The following OXSR1 variants were observed in gnomAD, a reference collection of about 807,000 sequenced individuals.
The protein encoded by OXSR1 is oxidative stress responsive kinase 1.
Under a neutral mutation model 79.8 loss-of-function variants are expected in OXSR1, and 24 were observed. The ratio of observed to expected loss-of-function variants is 0.30; its 90% CI spans 0.22 to 0.42. The LOEUF (loss-of-function observed/expected upper bound fraction) is 0.42. OXSR1 is among the 10% of genes least tolerant of loss of function. The pLI, the probability that OXSR1 is intolerant of heterozygous loss-of-function variation, is 1.00. For synonymous variants in OXSR1, 226 were observed against 209.2 expected, an observed-to-expected ratio of 1.08 and a Z score of -0.69; for missense variants, 430 against 618.4, an observed-to-expected ratio of 0.70 and a Z score of 3.23.
intron 3 of OXSR1, among the ~76,000 whole-genome samples, chr3:38,192,995 A>G (rs1464903731): frequency 6.6e-6 from 1 of 152,252 alleles, no homozygotes; most frequent in Non-Finnish European, 1.5e-5. Flanking sequence ...TATAAACAAC[A>G]TAAGGCTTTA....
At chr3:38,188,091 C>G (rs1038015335) in intron 2 of OXSR1, among the ~76,000 whole-genome samples, 1 of 152,180 alleles carries the variant, frequency 6.6e-6, no homozygotes, top group African/African-American at 2.4e-5. Context: ...ATTTAAGCCC[C>G]TTTTCATCTT....
At chr3:38,171,514 A>AT (rs1575303592) in intron 1 of OXSR1, among the ~76,000 whole-genome samples, 1 of 152,112 alleles carries the variant, frequency 6.6e-6, no homozygotes, top group African/African-American at 2.4e-5. Flanking sequence ...TTGAACTGTA[A>AT]TTTTTTTCAC....
chr3:38,240,700 TAA>T (rs1290845869), intron 11 of OXSR1, among the ~76,000 whole-genome samples: 1 of 133,242 alleles, frequency 7.5e-6, no homozygotes. Flanking sequence ...AAAAGATACT[TAA>T]AAAAAAAAAA....
Position 38,190,890 on chromosome 3 carries a change from TA to T in OXSR1, c.292+55del, listed in dbSNP as rs140872875. ...TAAGTACCATGGTTTGAAAAGTTAGTAAAAGTTTCCTTCTTTTCTATCCTGA... is the reference window on the plus strand; with the variant it reads ...TAAGTACCATGGTTTGAAAAGTTAGTAAAGTTTCCTTCTTTTCTATCCTGA... On this transcript the variant is annotated intron_variant, in intron 3 of 17. Coordinates refer to ENST00000311806, the MANE Select transcript of OXSR1 (RefSeq NM_005109.3). 8.5e-4 allele frequency: 854 copies of T among 1,002,182 alleles called. 6 individuals carry two copies. The African/African-American group carries it at 0.013, about 15-fold the overall frequency. The allele number at this position is 1,002,182 out of a possible 1,614,324, so 62.1% of individuals were successfully genotyped here. A position where few individuals can be genotyped will look rare whatever the true frequency, so the allele number is the denominator to read the frequency against.
chr3:38,238,272 T>G (rs542210582), intron 11 of OXSR1, among the ~76,000 whole-genome samples: 2 of 152,104 alleles, frequency 1.3e-5, no homozygotes, highest in Admixed American at 6.6e-5. Context: ...TAAATTGAAC[T>G]ATGTTAAGAA....
intron 8 of OXSR1, 198 bp downstream of exon 8, chr3:38,224,902 G>T: frequency 6.1e-6 from 2 of 325,754 alleles, no homozygotes; most frequent in Non-Finnish European, 1.1e-5. Context: ...ACCCTAAATA[G>T]TTCAGCTTTT....
intron 11 of OXSR1, among the ~76,000 whole-genome samples, chr3:38,237,660 T>C (rs1702946162): frequency 6.6e-6 from 1 of 152,190 alleles, no homozygotes; most frequent in African/African-American, 2.4e-5. Flanking sequence ...TGAATATTTG[T>C]TGACCTTGTT....
chr3:38,205,795 A>G (rs991079232), intron 4 of OXSR1, among the ~76,000 whole-genome samples: 1 of 152,222 alleles, frequency 6.6e-6, no homozygotes, highest in Non-Finnish European at 1.5e-5. Flanking sequence ...GGCTAGTCCC[A>G]GAGCAGAACC....
intron 4 of OXSR1, among the ~76,000 whole-genome samples, chr3:38,214,041 T>C (rs1177999796): frequency 6.6e-6 from 1 of 152,194 alleles, no homozygotes; most frequent in Non-Finnish European, 1.5e-5. Context: ...TTGTTCCCAT[T>C]TTTGACTGTA....
At chr3:38,222,980 T>C (rs761946308) in intron 6 of OXSR1, among the ~76,000 whole-genome samples, 3 of 152,218 alleles carry the variant, frequency 2.0e-5, no homozygotes, top group Non-Finnish European at 4.4e-5. Flanking sequence ...TTTAAAAATA[T>C]ACCATACTTA....
chr3:38,198,639 C>T, intron 3 of OXSR1, 83 bp from the exon 4 acceptor site: 1 of 998,200 alleles, frequency 1.0e-6, no homozygotes, highest in Non-Finnish European at 1.5e-6. Context: ...TGAGAAGGTT[C>T]ACATGTGTTT....
upstream of OXSR1, chr3:38,165,483 C>T: frequency 4.5e-6 from 1 of 224,174 alleles, no homozygotes; most frequent in South Asian, 7.1e-5. Context: ...GCGTGACCAG[C>T]GCAGTGACGT....
At chr3:38,235,191 A>T (rs962273247) in intron 10 of OXSR1, among the ~76,000 whole-genome samples, 2 of 152,220 alleles carry the variant, frequency 1.3e-5, no homozygotes, top group Admixed American at 1.3e-4. Context: ...CTTTGAATAT[A>T]CTAAAAATCA....
intron 11 of OXSR1, among the ~76,000 whole-genome samples, chr3:38,240,002 A>C (rs1169290758): frequency 6.6e-6 from 1 of 152,002 alleles, no homozygotes; most frequent in Non-Finnish European, 1.5e-5. Context: ...CTTTTTTTGC[A>C]GAGGTGGGGT....
chr3:38,201,406 T>A lies in OXSR1; in HGVS notation c.434+2543T>A, dbSNP rs184459385. On this transcript the variant is annotated intron_variant, in intron 4 of 17. Transcript: ENST00000311806. Reference sequence around the variant, plus strand: ...GTGAGACCTTGTCTCTACAAAAAAATTTTTTAAAATTATCCAGATACGGGC... The same window carrying A: ...GTGAGACCTTGTCTCTACAAAAAAAATTTTTAAAATTATCCAGATACGGGC... Among the ~76,000 whole-genome samples, 556 of 151,128 alleles carry A rather than the reference T, an allele frequency of 3.7e-3. 3 individuals are homozygous for A. Among genetic ancestry groups the A allele is most frequent in the African/African-American group, 0.013 (516 of 41,112 alleles).
At position 38,190,790 on chromosome 3, in the gene OXSR1, T is replaced by C. The variant is rs139570170; in HGVS notation, c.243T>C (p.Ser81=). ...CTAATATTGTATCTTACTACACATCTTTTGTGGTAAAAGATGAGCTGTGGC... is the reference window on the plus strand; with the variant it reads ...CTAATATTGTATCTTACTACACATCCTTTGTGGTAAAAGATGAGCTGTGGC... ...HHPNIVSYYT[S]FVVKDELWLV... The change falls in exon 3 of 18, where the codon TCT becomes TCC. Residue 81 remains serine, a synonymous_variant. Transcript: ENST00000311806. The C allele has an allele frequency of 7.1e-5, 115 of 1,610,422 alleles. No homozygotes were observed. In the African/African-American group the frequency reaches 1.2e-3, roughly 16 times the overall value.
intron 4 of OXSR1, among the ~76,000 whole-genome samples, chr3:38,213,404 C>A (rs908105734): frequency 6.6e-6 from 1 of 152,078 alleles, no homozygotes; most frequent in African/African-American, 2.4e-5. Context: ...TGTCAAGATT[C>A]TCAAAAACAA....
In OXSR1 at chr3:38,165,966, A is replaced by T; in HGVS notation, c.70+20A>T. The T allele has an allele frequency of 1.3e-6, 2 of 1,598,734 alleles. No homozygotes were observed. Among genetic ancestry groups the T allele is most frequent in the Admixed American group, 3.4e-5 (2 of 59,522 alleles). Reference sequence around the variant, plus strand: ...TGATCGGTGAGAGCAGGCGCTGCGGAGGGGGGAGGCGCGGCGCTGGGAGGC... The same window carrying T: ...TGATCGGTGAGAGCAGGCGCTGCGGTGGGGGGAGGCGCGGCGCTGGGAGGC... On this transcript the variant is annotated intron_variant, in intron 1 of 17. Transcript: ENST00000311806.
Position 38,166,045 on chromosome 3 carries a change from A to T in OXSR1, c.70+99A>T. 3 of 1,070,702 alleles carry T rather than the reference A, an allele frequency of 2.8e-6. No individual in the cohort carries two copies. In the South Asian group the frequency reaches 4.0e-5, roughly 14 times the overall value. The allele number at this position is 1,070,702 out of a possible 1,614,324, so 66.3% of individuals were successfully genotyped here. On this transcript the variant is annotated intron_variant, in intron 1 of 17. Coordinates refer to ENST00000311806, the MANE Select transcript of OXSR1 (RefSeq NM_005109.3). ...GGAGCTCGGGGAGCGCAGCCCTCAT[A>T]GGAATTCGTGGGGCGCTTGTGGGGC...
Sources: allele counts gnomAD v4.1 joint callset (sites outside exome capture counted in the v4.1 genomes callset), GRCh38; gene constraint gnomAD v4.1.1; transcripts MANE v1.5; gene names NCBI Gene and HGNC (gene_info 2026-07-23, HGNC 2026-07-21).